BORA: variants seen among roughly 807,000 people sequenced by gnomAD.
The protein encoded by BORA is protein aurora borealis.
Under a neutral mutation model 55.8 loss-of-function variants are expected in BORA, and 26 were observed. That is an observed-to-expected ratio of 0.47 (90% CI 0.34 to 0.65). The LOEUF (loss-of-function observed/expected upper bound fraction) is 0.65. Among genes scored for constraint, BORA ranks in the 30% least tolerant of loss-of-function variants. The pLI is 0.01. For synonymous variants in BORA, 201 were observed against 216.9 expected, an observed-to-expected ratio of 0.93 and a Z score of 0.64; for missense variants, 568 against 671.5, an observed-to-expected ratio of 0.85 and a Z score of 1.70.
At chr13:72,751,424 A>C (rs2033270911) in intron 10 of BORA, among the ~76,000 whole-genome samples, 1 of 152,218 alleles carries the variant, frequency 6.6e-6, no homozygotes, top group Non-Finnish European at 1.5e-5. Flanking sequence ...CAGCCATAAA[A>C]AATAATGAAG....
chr13:72,744,890 G>A, intron 7 of BORA, 91 bp from the exon 8 acceptor site: 2 of 1,196,224 alleles, frequency 1.7e-6, no homozygotes, highest in Non-Finnish European at 2.4e-6. Context: ...TTCAAACATA[G>A]TGCATGCTGG....
chr13:72,736,111 G>T (rs2032921835), intron 4 of BORA, among the ~76,000 whole-genome samples: 1 of 151,774 alleles, frequency 6.6e-6, no homozygotes, highest in African/African-American at 2.4e-5. Context: ...TCTAGTAACT[G>T]CACAGTTTTC....
intron 11 of BORA, chr13:72,754,102 C>A (rs2033365401): frequency 7.7e-6 from 2 of 260,898 alleles, no homozygotes; most frequent in Admixed American, 1.0e-4. Flanking sequence ...AGAAACTCAT[C>A]ATAATTTCAG....
At chr13:72,742,678 A>C (rs998453998) in intron 5 of BORA, among the ~76,000 whole-genome samples, 1 of 152,002 alleles carries the variant, frequency 6.6e-6, no homozygotes, top group African/African-American at 2.4e-5. Flanking sequence ...TTATTGCTGC[A>C]TCGTTAATCA....
chr13:72,734,515 C>CGGA (rs1182384437), intron 3 of BORA, among the ~76,000 whole-genome samples: 1 of 152,140 alleles, frequency 6.6e-6, no homozygotes, highest in Non-Finnish European at 1.5e-5. Context: ...GAACTGTGAA[C>CGGA]TATCCTCATC....
intron 7 of BORA, 24 bp downstream of exon 7, chr13:72,744,585 T>C (rs1320184593): frequency 6.5e-7 from 1 of 1,543,852 alleles, no homozygotes; most frequent in African/African-American, 1.4e-5. Context: ...TTGTTTAAAC[T>C]TTTAATAACT....
chr13:72,750,495 A>C lies in BORA; in HGVS notation c.1483-3195A>C, dbSNP rs1272772288. On this transcript the variant is annotated intron_variant, in intron 10 of 11. Transcript: ENST00000390667. ...GTTTTTACTTAACCCATTTATGCCT[A>C]AGGTTGCAATTTTTTGAATTTTTGC... 2.0e-5 allele frequency among the ~76,000 whole-genome samples: 3 copies of C among 152,230 alleles called. No homozygotes were observed. In the East Asian group the frequency reaches 5.8e-4, roughly 29 times the overall value.
intron 5 of BORA, among the ~76,000 whole-genome samples, 173 bp downstream of exon 5, chr13:72,738,216 G>A (rs1226427398): frequency 6.6e-6 from 1 of 152,014 alleles, no homozygotes; most frequent in Non-Finnish European, 1.5e-5. Context: ...AAAATTTATT[G>A]AATTGTTTTT....
Position 72,727,949 on chromosome 13 carries a change from T to C in BORA, c.-74T>C, listed in dbSNP as rs2032709223. On this transcript the variant is annotated 5_prime_UTR_variant, in exon 1 of 12. Transcript: ENST00000390667. Reference sequence around the variant, plus strand: ...AAGAGTCTATGCCTGTCGTGGAAGCTGGCCTGGCCCCCGGAGCTCCCTGGA... The same window carrying C: ...AAGAGTCTATGCCTGTCGTGGAAGCCGGCCTGGCCCCCGGAGCTCCCTGGA... 1 of 1,550,638 alleles carries C rather than the reference T, an allele frequency of 6.4e-7. No individual in the cohort carries two copies. Among genetic ancestry groups the C allele is most frequent in the Non-Finnish European group, 8.7e-7 (1 of 1,146,988 alleles).
chr13:72,746,416 G>A, intron 9 of BORA, 85 bp from the exon 10 acceptor site: 1 of 1,432,310 alleles, frequency 7.0e-7, no homozygotes, highest in Non-Finnish European at 9.4e-7. Context: ...GTTTTTCCTG[G>A]CATGAAACAT....
chr13:72,731,357 A>G lies in BORA; in HGVS notation c.230A>G (p.His77Arg), dbSNP rs1469846069. ...GTAGAAATAGACCCAGAAGATATTC[A>G]TCGTCAAGCTTTATACTTAAGTCAT... ...NPVEIDPEDIHRQALYLSHSR... is the reference protein window; with the variant it reads ...NPVEIDPEDIRRQALYLSHSR... The change falls in exon 3 of 12, where the codon CAT becomes CGT. Residue 77 changes from histidine (H) to arginine (R), a missense_variant. Physicochemically the swap from His to Arg is conservative, Grantham distance 29. Transcript: ENST00000390667. 4 of 1,611,194 alleles carry G rather than the reference A, an allele frequency of 2.5e-6. No individual in the cohort carries two copies. The highest frequency in any genetic ancestry group is 4.5e-5 in the East Asian group (2 of 44,776).
intron 4 of BORA, among the ~76,000 whole-genome samples, chr13:72,735,592 A>G (rs2138052330): frequency 6.6e-6 from 1 of 152,146 alleles, no homozygotes; most frequent in South Asian, 2.1e-4. Flanking sequence ...TTAGCATCTA[A>G]ATAAGGTTAT....
chr13:72,728,276 C>T (rs113806517), intron 1 of BORA: 27 of 679,116 alleles, frequency 4.0e-5, no homozygotes, highest in African/African-American at 3.7e-4. Flanking sequence ...GCCTCTGTAG[C>T]CTCCTTTGAT....
At position 72,746,528 on chromosome 13, in the gene BORA, C is replaced by T. The variant is rs764600062; in HGVS notation, c.899C>T (p.Pro300Leu). The T allele has an allele frequency of 3.1e-6, 5 of 1,612,980 alleles. No homozygotes were observed. The highest frequency in any genetic ancestry group is 4.2e-6 in the Non-Finnish European group (5 of 1,179,334). The change falls in exon 10 of 12, where the codon CCT becomes CTT. Residue 300 changes from proline to leucine, a missense_variant. Physicochemically the swap from Pro to Leu is moderately conservative, Grantham distance 98 (BLOSUM62 -3). Transcript: ENST00000390667. The stretch of plus-strand genomic sequence containing the variant: ...CAAAGGAAGTTTACTGTTCATTCTC[C>T]TGATGCTTCATCTGGAACAAATTCT... ...SEQRKFTVHS[P>L]DASSGTNSNG...
rs2033432203 is a variant in BORA, at chr13:72,755,413, T to C, written c.*197T>C. ...CCTGGAACTTCAAGTTGCTGAATTA[T>C]AAGTTTATTTTTTATCAATAAATAT... On this transcript the variant is annotated 3_prime_UTR_variant, in exon 12 of 12. Transcript: ENST00000390667. The C allele has an allele frequency of 7.6e-6, 4 of 526,012 alleles. No individual in the cohort carries two copies. Among genetic ancestry groups the C allele is most frequent in the Non-Finnish European group, 1.3e-5 (4 of 298,132 alleles). The allele number at this position is 526,012 out of a possible 1,614,324, so 32.6% of individuals were successfully genotyped here. A position where few individuals can be genotyped will look rare whatever the true frequency, so the allele number is the denominator to read the frequency against.
In BORA at chr13:72,746,948, A is replaced by T. The variant is rs757325059; in HGVS notation, c.1319A>T (p.Glu440Val). 6.2e-7 allele frequency: 1 copy of T among 1,614,130 alleles called. No homozygotes were observed. ...ACTGTGGATATGGTTGATCCTATAG[A>T]GATAGCAGATGAGACCACTTGGATT... ...NNTVDMVDPI[E>V]IADETTWIKE... The change falls in exon 10 of 12, where the codon GAG becomes GTG. Residue 440 changes from glutamate to valine, a missense_variant. Transcript: ENST00000390667.
chr13:72,739,399 G>C lies in BORA; in HGVS notation c.388+1356G>C, dbSNP rs1400640697. Among the ~76,000 whole-genome samples the C allele has an allele frequency of 5.3e-5, 8 of 152,182 alleles. 1 individual carries two copies. The South Asian group carries it at 1.5e-3, about 28-fold the overall frequency. Reference sequence around the variant, plus strand: ...GCAGTGGTTAATAGGATAGGCTCCAGAGCTGTGCTGTTTACTGTGTTGTTG... The same window carrying C: ...GCAGTGGTTAATAGGATAGGCTCCACAGCTGTGCTGTTTACTGTGTTGTTG... On this transcript the variant is annotated intron_variant, in intron 5 of 11. Transcript: ENST00000390667.
chr13:72,735,023 T>G lies in BORA; in HGVS notation c.306+18T>G. On this transcript the variant is annotated intron_variant, in intron 4 of 11. Transcript: ENST00000390667. The stretch of plus-strand genomic sequence containing the variant: ...TTGAAGAGGTAACTTAAACTGTTAC[T>G]GATCATTAAATCAGTTAAGGATCAA... 1 of 1,571,968 alleles carries G rather than the reference T, an allele frequency of 6.4e-7. No homozygotes were observed. Among genetic ancestry groups the G allele is most frequent in the East Asian group, 2.2e-5 (1 of 44,550 alleles).
Position 72,753,409 on chromosome 13 carries a change from A to C in BORA, c.1483-281A>C, listed in dbSNP as rs1010625798. The C allele has an allele frequency of 4.5e-5, 11 of 244,990 alleles. 1 individual carries two copies. In the Admixed American group the frequency reaches 4.7e-4, roughly 10 times the overall value. 15.2% of individuals were successfully genotyped at this position (244,990 alleles called of 1,614,324 possible). A position where few individuals can be genotyped will look rare whatever the true frequency, so the allele number is the denominator to read the frequency against. ...TTTTTGTCTACTAGGTACGATCACA[A>C]AATAACAGGAAAGCATTGTGTCAGT... On this transcript the variant is annotated intron_variant, in intron 10 of 11. Transcript: ENST00000390667.
Sources: allele counts gnomAD v4.1 joint callset (sites outside exome capture counted in the v4.1 genomes callset), GRCh38; gene constraint gnomAD v4.1.1; transcripts MANE v1.5; gene names NCBI Gene and HGNC (gene_info 2026-07-23, HGNC 2026-07-21).